The following PHLPP1 variants were observed in gnomAD, a reference collection of about 807,000 sequenced individuals.
The protein encoded by PHLPP1 is PH domain leucine-rich repeat-containing protein phosphatase 1.
In PHLPP1, 42 loss-of-function variants were observed where a neutral mutation model predicts 117.2. That is an observed-to-expected ratio of 0.36 (90% CI 0.28 to 0.46). PHLPP1 has a LOEUF of 0.46. PHLPP1 is among the 20% of genes least tolerant of loss of function. The pLI is 1.00. For synonymous variants in PHLPP1, 1,042 were observed against 970.7 expected (o/e 1.07, Z -1.37); for missense variants, 2,084 against 2,241.9 (o/e 0.93, Z 1.42).
Position 62,863,501 on chromosome 18 carries a change from C to T in PHLPP1, c.2066+2900C>T, listed in dbSNP as rs376281768. Among the ~76,000 whole-genome samples, 6 of 152,166 alleles carry T rather than the reference C, an allele frequency of 3.9e-5. No homozygotes were observed. In the South Asian group the frequency reaches 8.3e-4, roughly 21 times the overall value. On this transcript the variant is annotated intron_variant, in intron 4 of 16. Transcript: ENST00000262719. ...TACAGGCATGAGCCACCAGGCCCAG[C>T]CTATGGTTATTTCTTGATTATATGC...
rs1292294687 is a variant in PHLPP1, at chr18:62,715,598, C to T, written c.-86C>T. On this transcript the variant is annotated 5_prime_UTR_variant, in exon 1 of 17. Transcript: ENST00000262719. ...ATTGGCTTCTCCCTTCTCCGCGCGC[C>T]GCCGCCGTCTCCCACCTCCGCCTCA... The T allele has an allele frequency of 3.4e-6, 3 of 894,274 alleles. No homozygotes were observed. Among genetic ancestry groups the T allele is most frequent in the African/African-American group, 3.5e-5 (2 of 57,676 alleles). 55.4% of individuals were successfully genotyped at this position (894,274 alleles called of 1,614,324 possible). A position where few individuals can be genotyped will look rare whatever the true frequency, so the allele number is the denominator to read the frequency against.
intron 1 of PHLPP1, among the ~76,000 whole-genome samples, chr18:62,767,163 A>G (rs1054268951): frequency 7.2e-5 from 11 of 152,228 alleles, no homozygotes; most frequent in African/African-American, 2.7e-4. Context: ...GTATTATGAT[A>G]TCTCAGTATA....
chr18:62,962,384 C>G (rs138364966), intron 13 of PHLPP1, among the ~76,000 whole-genome samples: 1 of 152,052 alleles, frequency 6.6e-6, no homozygotes, highest in Non-Finnish European at 1.5e-5. Flanking sequence ...CTTGGCTCAC[C>G]GCAACCTCCA....
Position 62,716,996 on chromosome 18 carries a change from A to AGGCAGC in PHLPP1, c.1320_1325dup (p.Ala441_Ala442dup). 1 of 1,542,928 alleles carries AGGCAGC rather than the reference A, an allele frequency of 6.5e-7. No individual in the cohort carries two copies. On this transcript the variant is annotated inframe_insertion, in exon 1 of 17. Transcript: ENST00000262719. The surrounding 1 kb of genome is among the most constrained non-coding windows in gnomAD (Gnocchi z 5.7). ...GTCCGCGAGGGGTCGTGCGAGGAGA[A>AGGCAGC]GGCAGCGGCAGCCGTGGCCCCGGGA...
intron 12 of PHLPP1, among the ~76,000 whole-genome samples, chr18:62,955,819 A>T (rs890359664): frequency 1.3e-5 from 2 of 152,134 alleles, no homozygotes; most frequent in African/African-American, 2.4e-5. Flanking sequence ...TTTTGTTGTC[A>T]ACTACTTGCA....
intron 2 of PHLPP1, among the ~76,000 whole-genome samples, chr18:62,835,194 ATCCTTTTTTTTT>A (rs1401401490): frequency 8.8e-5 from 13 of 147,906 alleles, no homozygotes; most frequent in Admixed American, 3.4e-4. Flanking sequence ...CTTATCAATG[ATCCTTTTTTTTT>A]TCCTTTTTTT....
chr18:62,870,143 G>A (rs1196458320), intron 4 of PHLPP1, among the ~76,000 whole-genome samples: 1 of 152,100 alleles, frequency 6.6e-6, no homozygotes, highest in Admixed American at 6.6e-5. Flanking sequence ...TGATCTGCCA[G>A]CCTCGGTCTC....
At chr18:62,779,863 A>G (rs939824055) in intron 1 of PHLPP1, among the ~76,000 whole-genome samples, 5 of 152,042 alleles carry the variant, frequency 3.3e-5, no homozygotes, top group African/African-American at 9.7e-5. Context: ...TTTTTGAGTT[A>G]AAGCTTGGCT....
intron 1 of PHLPP1, among the ~76,000 whole-genome samples, chr18:62,743,483 A>C (rs1911589433): frequency 6.6e-6 from 1 of 152,124 alleles, no homozygotes; most frequent in Non-Finnish European, 1.5e-5. Flanking sequence ...TAGATCTCAT[A>C]TCATTTCATC....
intron 10 of PHLPP1, among the ~76,000 whole-genome samples, chr18:62,925,255 T>C (rs1376687558): frequency 2.0e-5 from 3 of 152,142 alleles, no homozygotes; most frequent in African/African-American, 7.2e-5. Flanking sequence ...TGCATGCACA[T>C]TTGATGGCCA....
chr18:62,851,086 C>T (rs538580752), intron 3 of PHLPP1, among the ~76,000 whole-genome samples: 5 of 152,244 alleles, frequency 3.3e-5, no homozygotes, highest in Non-Finnish European at 5.9e-5. Flanking sequence ...GGTATAGTTC[C>T]TGGTTCATAA....
At chr18:62,860,627 A>G (rs1915609557) in intron 4 of PHLPP1, 26 bp downstream of exon 4, 2 of 1,587,586 alleles carry the variant, frequency 1.3e-6, no homozygotes, top group Non-Finnish European at 1.7e-6. Flanking sequence ...TGGGTAGATC[A>G]TTAGGAAGGG....
At chr18:62,916,849 G>A (rs1717779257) in intron 9 of PHLPP1, among the ~76,000 whole-genome samples, 1 of 136,070 alleles carries the variant, frequency 7.3e-6, no homozygotes, top group South Asian at 2.3e-4. Context: ...TGCCTCCCGG[G>A]TTCCAGCAAT....
chr18:62,872,627 G>C (rs902284889), intron 4 of PHLPP1, among the ~76,000 whole-genome samples: 1 of 152,084 alleles, frequency 6.6e-6, no homozygotes, highest in African/African-American at 2.4e-5. Flanking sequence ...GGGAGGTGGA[G>C]GTTGCAGTGA....
chr18:62,751,390 T>C (rs934646910), intron 1 of PHLPP1, among the ~76,000 whole-genome samples: 2 of 152,174 alleles, frequency 1.3e-5, no homozygotes, highest in Admixed American at 6.5e-5. Flanking sequence ...GGAGAGAATT[T>C]GTACTTCAAC....
intron 12 of PHLPP1, among the ~76,000 whole-genome samples, chr18:62,958,229 T>C (rs1246363975): frequency 6.6e-6 from 1 of 152,192 alleles, no homozygotes; most frequent in Non-Finnish European, 1.5e-5. Flanking sequence ...GCCTTCTTTG[T>C]TTTTTGTTTT....
chr18:62,898,082 T>C (rs907006709), intron 6 of PHLPP1, among the ~76,000 whole-genome samples: 3 of 152,076 alleles, frequency 2.0e-5, no homozygotes, highest in African/African-American at 4.8e-5. Flanking sequence ...TTTCTATCCA[T>C]GTTTTCTGCC....
intron 1 of PHLPP1, among the ~76,000 whole-genome samples, chr18:62,815,901 A>C (rs1230045000): frequency 6.6e-6 from 1 of 152,216 alleles, no homozygotes; most frequent in Admixed American, 6.5e-5. Flanking sequence ...TTACAGTGTC[A>C]GAATTATGAC....
intron 1 of PHLPP1, among the ~76,000 whole-genome samples, chr18:62,798,579 T>A (rs1354181937): frequency 6.6e-6 from 1 of 152,228 alleles, no homozygotes; most frequent in East Asian, 1.9e-4. Flanking sequence ...AGAAACATTT[T>A]AGAGTTATGT....
Sources: gnomAD v4.1 joint callset for allele counts (sites outside exome capture counted in the v4.1 genomes callset) on GRCh38, gnomAD v4.1.1 for gene constraint, Gnocchi (gnomAD v3.1) non-coding constraint, MANE v1.5 for transcripts, NCBI Gene and HGNC (gene_info 2026-07-23, HGNC 2026-07-21) for gene names.